TCOF1: variants seen among roughly 807,000 people sequenced by gnomAD.
The protein encoded by TCOF1 is treacle ribosome biogenesis factor 1.
TCOF1 carries 33 observed loss-of-function variants against 149.0 expected under a neutral mutation model. The observed-to-expected ratio is 0.22, with a 90% CI of 0.17 to 0.30. TCOF1 has a LOEUF of 0.30. Among genes scored for constraint, TCOF1 ranks in the 10% least tolerant of loss-of-function variants. The pLI is 1.00. For synonymous variants in TCOF1, 789 were observed against 738.8 expected (o/e 1.07, Z -1.10); for missense variants, 1,728 against 1,840.7 (o/e 0.94, Z 1.12).
intron 3 of TCOF1, among the ~76,000 whole-genome samples, chr5:150,365,422 C>A (rs1020519793): frequency 6.6e-6 from 1 of 151,966 alleles, no homozygotes; most frequent in African/African-American, 2.4e-5. Context: ...AAATGCAAAA[C>A]GAGTTCACTT....
intron 23 of TCOF1, among the ~76,000 whole-genome samples, chr5:150,395,652 TAGTC>T (rs949640531): frequency 2.6e-5 from 4 of 152,064 alleles, no homozygotes; most frequent in Admixed American, 1.3e-4. Flanking sequence ...TAAACCTGCT[TAGTC>T]AGCCACCACG....
At position 150,374,125 on chromosome 5, in the gene TCOF1, A is replaced by G. The variant is rs377280604; in HGVS notation, c.871-49A>G. On this transcript the variant is annotated intron_variant, in intron 7 of 26. Coordinates refer to ENST00000643257, the MANE Select transcript of TCOF1 (RefSeq NM_001371623.1). ...TGGACTTTATCCTAAAGGCATCACCAGAGAGTTTTCACAAGCAGGAGAGCA... is the reference window on the plus strand; with the variant it reads ...TGGACTTTATCCTAAAGGCATCACCGGAGAGTTTTCACAAGCAGGAGAGCA... 68 of 1,574,914 alleles carry G rather than the reference A, an allele frequency of 4.3e-5. No individual in the cohort carries two copies. In the African/African-American group the frequency reaches 8.8e-4, roughly 20 times the overall value.
At chr5:150,374,568 C>G in intron 8 of TCOF1, 49 bp from the exon 9 acceptor site, 1 of 1,611,328 alleles carries the variant, frequency 6.2e-7, no homozygotes, top group South Asian at 1.1e-5. Flanking sequence ...TCCTGTGTCT[C>G]CTCACACGTC....
chr5:150,382,309 G>A (rs989558711), intron 17 of TCOF1, among the ~76,000 whole-genome samples: 3 of 152,254 alleles, frequency 2.0e-5, no homozygotes, highest in Non-Finnish European at 2.9e-5. Flanking sequence ...TGTGGTAGGG[G>A]CCACTGAACA....
intron 1 of TCOF1, among the ~76,000 whole-genome samples, chr5:150,359,126 C>T (rs1759399317): frequency 6.6e-6 from 1 of 152,124 alleles, no homozygotes; most frequent in Admixed American, 6.5e-5. Context: ...GCAGGCGGAT[C>T]ACTTGAGGCC....
chr5:150,357,933 A>G, intron 1 of TCOF1, 79 bp downstream of exon 1: 3 of 1,478,644 alleles, frequency 2.0e-6, no homozygotes, highest in South Asian at 1.2e-5. Context: ...CCCCGTCCCC[A>G]GGCGACCCGG....
rs1758969128 is a variant in TCOF1 at position 150,357,861 on chromosome 5, G to T, written c.108+7G>T. Reference sequence around the variant, plus strand: ...GAAGGAGCAGAGCGGCCAGGTAAGCGTTCGTGGGCCGTGTGCGAGGGCCGC... The same window carrying T: ...GAAGGAGCAGAGCGGCCAGGTAAGCTTTCGTGGGCCGTGTGCGAGGGCCGC... On this transcript the variant is annotated splice_region_variant and intron_variant, in intron 1 of 26. Transcript: ENST00000643257. 8 of 1,548,926 alleles carry T rather than the reference G, an allele frequency of 5.2e-6. No homozygotes were observed. The highest frequency in any genetic ancestry group is 6.1e-6 in the Non-Finnish European group (7 of 1,146,292).
At chr5:150,397,403 C>T (rs545542931) in intron 24 of TCOF1, among the ~76,000 whole-genome samples, 3 of 152,228 alleles carry the variant, frequency 2.0e-5, no homozygotes, top group African/African-American at 7.2e-5. Flanking sequence ...ATCCCAAACC[C>T]CATCTTGTCT....
chr5:150,384,386 A>G (rs1765846769), intron 17 of TCOF1: 1 of 985,428 alleles, frequency 1.0e-6, no homozygotes, highest in Admixed American at 6.1e-5. Context: ...CTGTCCCAGC[A>G]TCACATGGCT....
At chr5:150,383,862 C>A in intron 17 of TCOF1, 1 of 1,549,310 alleles carries the variant, frequency 6.5e-7, no homozygotes, top group Non-Finnish European at 8.7e-7. Flanking sequence ...GCTACACCTC[C>A]AAGGGTGGGA....
At chr5:150,390,955 G>A (rs1420353235) in intron 19 of TCOF1, among the ~76,000 whole-genome samples, 1 of 152,200 alleles carries the variant, frequency 6.6e-6, no homozygotes, top group African/African-American at 2.4e-5. Context: ...ATAAAAACTA[G>A]AGAATAGTGG....
intron 1 of TCOF1, among the ~76,000 whole-genome samples, chr5:150,359,531 T>C (rs1286397797): frequency 6.6e-6 from 1 of 152,096 alleles, no homozygotes; most frequent in Non-Finnish European, 1.5e-5. Context: ...GTCAGATCCC[T>C]TTGCCCTGTG....
chr5:150,375,934 T>C (rs770395733), intron 12 of TCOF1, 25 bp downstream of exon 12: 4 of 1,614,030 alleles, frequency 2.5e-6, no homozygotes, highest in Non-Finnish European at 3.4e-6. Flanking sequence ...AGGAGGCTGC[T>C]ACATGGCCTG....
At chr5:150,367,971 G>A (rs1562305451) in intron 4 of TCOF1, 54 bp downstream of exon 4, 2 of 1,593,612 alleles carry the variant, frequency 1.3e-6, no homozygotes, top group Non-Finnish European at 1.7e-6. Flanking sequence ...GTGCCTGGTA[G>A]GGGACAGTCT....
intron 14 of TCOF1, 47 bp from the exon 15 acceptor site, chr5:150,378,858 T>C: frequency 6.2e-7 from 1 of 1,613,740 alleles, no homozygotes; most frequent in Non-Finnish European, 8.5e-7. Flanking sequence ...CTAGCTGCTT[T>C]ACTCAATCTC....
At chr5:150,383,870 G>A (rs544502044) in intron 17 of TCOF1, 136 of 1,546,424 alleles carry the variant, frequency 8.8e-5, no homozygotes, top group Non-Finnish European at 1.2e-4. Flanking sequence ...TCCAAGGGTG[G>A]GACCAGGCCC....
chr5:150,369,683 G>A (rs1166758155), intron 6 of TCOF1, 81 bp downstream of exon 6: 1 of 1,488,908 alleles, frequency 6.7e-7, no homozygotes, highest in Non-Finnish European at 9.3e-7. Context: ...TCAGACACCA[G>A]TGGGCCCAGA....
At chr5:150,361,846 A>T (rs1440957757) in intron 2 of TCOF1, among the ~76,000 whole-genome samples, 1 of 152,212 alleles carries the variant, frequency 6.6e-6, no homozygotes, top group East Asian at 1.9e-4. Context: ...GCTGGTGGAC[A>T]GTACAGATGG....
chr5:150,378,834 GTC>G, intron 14 of TCOF1, 69 bp from the exon 15 acceptor site: 2 of 1,610,126 alleles, frequency 1.2e-6, no homozygotes, highest in Non-Finnish European at 1.7e-6. Flanking sequence ...CAGCTCCAGA[GTC>G]TGTATTCTTG....
Sources: allele counts gnomAD v4.1 joint callset (sites outside exome capture counted in the v4.1 genomes callset), GRCh38; gene constraint gnomAD v4.1.1; transcripts MANE v1.5; gene names NCBI Gene and HGNC (gene_info 2026-07-23, HGNC 2026-07-21).